LOXL2: variants seen among roughly 807,000 people sequenced by gnomAD.
LOXL2 encodes the protein lysyl oxidase like 2, also known as lysyl oxidase homolog 2.
In LOXL2, 70 loss-of-function variants were observed where a neutral mutation model predicts 93.0. The ratio of observed to expected loss-of-function variants is 0.75; its 90% CI spans 0.62 to 0.92. The LOEUF is 0.92. LOXL2 is among the 40% of genes least tolerant of loss of function. The pLI is 0.00. For missense variants in LOXL2, 973 were observed against 1,054.9 expected, an observed-to-expected ratio of 0.92 and a Z score of 1.08; for synonymous variants, 438 against 413.2, an observed-to-expected ratio of 1.06 and a Z score of -0.73.
intron 1 of LOXL2, among the ~76,000 whole-genome samples, chr8:23,371,376 G>A (rs1313140531): frequency 6.6e-6 from 1 of 152,192 alleles, no homozygotes; most frequent in Non-Finnish European, 1.5e-5. Flanking sequence ...AGTAGGAAAT[G>A]ATGTAGGTAA....
chr8:23,353,972 C>G (rs1326632780), intron 3 of LOXL2, among the ~76,000 whole-genome samples: 1 of 152,054 alleles, frequency 6.6e-6, no homozygotes, highest in Non-Finnish European at 1.5e-5. Context: ...TTTTCCTCCT[C>G]TAGAGGGGAA....
At chr8:23,342,307 A>G (rs1803894229) in intron 3 of LOXL2, among the ~76,000 whole-genome samples, 2 of 148,518 alleles carry the variant, frequency 1.3e-5, no homozygotes, top group African/African-American at 2.5e-5. Context: ...TCCAAACTCT[A>G]TGGAAGCTCC....
intron 1 of LOXL2, among the ~76,000 whole-genome samples, chr8:23,373,458 C>A (rs994084911): frequency 6.6e-6 from 1 of 152,152 alleles, no homozygotes; most frequent in African/African-American, 2.4e-5. Flanking sequence ...ACTCAGCTGC[C>A]CGTGTAGCTG....
intron 2 of LOXL2, 99 bp downstream of exon 2, chr8:23,367,898 C>G: frequency 1.1e-6 from 1 of 932,250 alleles, no homozygotes; most frequent in Non-Finnish European, 1.6e-6. Flanking sequence ...ATTTACACTT[C>G]GCAGTGCGTG....
Position 23,353,004 on chromosome 8 carries a change from G to C in LOXL2, c.531+7086C>G, listed in dbSNP as rs1018250689. On this transcript the variant is annotated intron_variant, in intron 3 of 13. Transcript: ENST00000389131. ...ATAGGTAAGGAAGGAGGTGGGGTGG[G>C]GTGGGGAGGGGTGGAGTGGGGTGGG... Among the ~76,000 whole-genome samples, 4 of 141,190 alleles carry C rather than the reference G, an allele frequency of 2.8e-5. No individual in the cohort carries two copies. The South Asian group carries it at 9.1e-4, about 32-fold the overall frequency. The allele number at this position is 141,190 out of a possible 152,430, so 92.6% of individuals were successfully genotyped here. A position where few individuals can be genotyped will look rare whatever the true frequency, so the allele number is the denominator to read the frequency against.
chr8:23,342,596 C>T (rs1430416858), intron 3 of LOXL2, among the ~76,000 whole-genome samples: 3 of 151,876 alleles, frequency 2.0e-5, no homozygotes, highest in Non-Finnish European at 2.9e-5. Flanking sequence ...CACACCCGGC[C>T]AATTGTTTGT....
At chr8:23,403,196 G>T (rs1800174242) in intron 1 of LOXL2, among the ~76,000 whole-genome samples, 1 of 152,158 alleles carries the variant, frequency 6.6e-6, no homozygotes, top group Non-Finnish European at 1.5e-5. Context: ...CGGACCAACG[G>T]CTCAAGATTG....
At chr8:23,395,360 C>T (rs1190388846) in intron 1 of LOXL2, among the ~76,000 whole-genome samples, 2 of 142,398 alleles carry the variant, frequency 1.4e-5, no homozygotes, top group African/African-American at 5.2e-5. Context: ...ATTCTATTTA[C>T]ACAAATTATA....
chr8:23,372,337 C>A (rs1258969707), intron 1 of LOXL2, among the ~76,000 whole-genome samples: 1 of 151,942 alleles, frequency 6.6e-6, no homozygotes, highest in African/African-American at 2.4e-5. Context: ...CCTGCCTTAG[C>A]CCCTCGAGTA....
intron 8 of LOXL2, 41 bp downstream of exon 8, chr8:23,319,844 C>T (rs777966823): frequency 6.3e-7 from 1 of 1,599,860 alleles, no homozygotes; most frequent in Non-Finnish European, 8.5e-7. Context: ...GGTCAGACTG[C>T]ATGGGGGGTG....
intron 1 of LOXL2, among the ~76,000 whole-genome samples, chr8:23,373,803 T>A (rs956709838): frequency 6.6e-6 from 1 of 151,846 alleles, no homozygotes. Context: ...CTGGGCTCTG[T>A]CCCCCACCGC....
chr8:23,345,552 C>T (rs1304300970), intron 3 of LOXL2, among the ~76,000 whole-genome samples: 1 of 152,210 alleles, frequency 6.6e-6, no homozygotes, highest in Non-Finnish European at 1.5e-5. Flanking sequence ...CACTAGCTAA[C>T]CAGCTCATGG....
At position 23,322,296 on chromosome 8, in the gene LOXL2, T is replaced by C; in HGVS notation, c.1151-15A>G. 6.2e-7 allele frequency: 1 copy of C among 1,610,102 alleles called. No individual in the cohort carries two copies. The highest frequency in any genetic ancestry group is 8.5e-7 in the Non-Finnish European group (1 of 1,177,208). On this transcript the variant is annotated splice_polypyrimidine_tract_variant and intron_variant, in intron 6 of 13. Coordinates refer to ENST00000389131, the MANE Select transcript of LOXL2 (RefSeq NM_002318.3). Reference sequence around the variant, plus strand: ...GGGTCCGATCCCTGCAAGGGGAGAATAAACATGCTCTATGAAAGCTTTGGA... The same window carrying C: ...GGGTCCGATCCCTGCAAGGGGAGAACAAACATGCTCTATGAAAGCTTTGGA...
intron 3 of LOXL2, among the ~76,000 whole-genome samples, chr8:23,349,652 A>G (rs1448015539): frequency 1.3e-5 from 2 of 151,764 alleles, no homozygotes; most frequent in African/African-American, 2.4e-5. Context: ...TATACTGACT[A>G]TCTTGCACTA....
chr8:23,299,597 G>A (rs1184220250), intron 12 of LOXL2, among the ~76,000 whole-genome samples: 1 of 152,194 alleles, frequency 6.6e-6, no homozygotes, highest in Non-Finnish European at 1.5e-5. Context: ...GTCTGTGAGG[G>A]AACAGAAAAG....
rs754453058 is a variant in LOXL2 at position 23,368,018 on chromosome 8, A to G, written c.334T>C (p.Ser112Pro). The change falls in exon 2 of 14, where the codon TCC becomes CCC. Residue 112 changes from serine (S) to proline (P), a missense_variant. Coordinates refer to ENST00000389131, the MANE Select transcript of LOXL2 (RefSeq NM_002318.3). ...YVEAKSWTAS[S>P]SYGKGEGPIW... is the part of the protein sequence containing the mutation. ...TTACCTTCTCCCTTGCCGTAGGAGG[A>G]GCTGGCAGTCCAGGACTTGGCCTCC... 6.2e-7 allele frequency: 1 copy of G among 1,613,292 alleles called. No homozygotes were observed. Among genetic ancestry groups the G allele is most frequent in the East Asian group, 2.2e-5 (1 of 44,868 alleles).
chr8:23,338,084 T>C (rs1411652581), intron 4 of LOXL2, among the ~76,000 whole-genome samples: 1 of 152,206 alleles, frequency 6.6e-6, no homozygotes, highest in Non-Finnish European at 1.5e-5. Context: ...ACGTCTTACA[T>C]GACAGCAGGC....
intron 2 of LOXL2, among the ~76,000 whole-genome samples, chr8:23,361,856 A>C (rs958394209): frequency 2.0e-5 from 2 of 100,622 alleles, no homozygotes; most frequent in African/African-American, 8.4e-5. Flanking sequence ...AAACAAAACA[A>C]AACAAAACAA....
At chr8:23,385,682 G>A (rs1585381894) in intron 1 of LOXL2, 13 of 504,326 alleles carry the variant, frequency 2.6e-5, no homozygotes, top group East Asian at 2.4e-4. Flanking sequence ...TCATCCTCTC[G>A]TCTGGATGAG....
Sources: gnomAD v4.1 joint callset for allele counts (sites outside exome capture counted in the v4.1 genomes callset) on GRCh38, gnomAD v4.1.1 for gene constraint, MANE v1.5 for transcripts, NCBI Gene and HGNC (gene_info 2026-07-23, HGNC 2026-07-21) for gene names.